Variants in ADCY9 observed in about 807,000 individuals in gnomAD.
ADCY9 encodes adenylate cyclase 9.
Under a neutral mutation model 101.5 loss-of-function variants are expected in ADCY9, and 50 were observed. That is an observed-to-expected ratio of 0.49 (90% CI 0.39 to 0.62). The LOEUF is 0.62. Ranked by LOEUF, ADCY9 falls within the 20% of genes least tolerant of loss-of-function variation. The pLI is 0.00. For missense variants in ADCY9, 1,662 were observed against 1,800.4 expected (o/e 0.92, Z 1.39); for synonymous variants, 905 against 769.3 (o/e 1.18, Z -2.92).
At chr16:4,006,768 G>A (rs966575518) in intron 3 of ADCY9, among the ~76,000 whole-genome samples, 3 of 152,160 alleles carry the variant, frequency 2.0e-5, no homozygotes, top group Admixed American at 1.3e-4. Flanking sequence ...ACCCAAGGTC[G>A]ACCGCGCCAA....
chr16:3,962,037 A>T (rs1311521151), downstream of ADCY9, among the ~76,000 whole-genome samples: 1 of 106,484 alleles, frequency 9.4e-6, no homozygotes, highest in Non-Finnish European at 1.9e-5. Flanking sequence ...ATAAATAAAA[A>T]TTAAAAAAAA....
In ADCY9 at chr16:3,983,239, A is replaced by T; in HGVS notation, c.2512T>A (p.Ser838Thr). 1.3e-6 allele frequency: 2 copies of T among 1,550,054 alleles called. No individual in the cohort carries two copies. Among genetic ancestry groups the T allele is most frequent in the Non-Finnish European group, 1.7e-6 (2 of 1,146,636 alleles). ...LLLEVLSLAVSIRMVFFLEDV... is the reference protein window; with the variant it reads ...LLLEVLSLAVTIRMVFFLEDV... ...AGTCCACGCGGCGCTTACCTGATGG[A>T]CACCGCGAGGGACAGCACCTCCAGC... Residue 838 changes from serine to threonine, a missense_variant, in exon 7 of 11, where the codon TCC (serine) becomes ACC (threonine). Transcript: ENST00000294016.
intron 3 of ADCY9, among the ~76,000 whole-genome samples, chr16:4,000,891 T>C (rs1351117480): frequency 6.6e-6 from 1 of 151,004 alleles, no homozygotes; most frequent in Admixed American, 6.6e-5. Context: ...TCTGGGGAAA[T>C]TTCATGGAAA....
chr16:4,071,839 G>C (rs1382325847), intron 2 of ADCY9, among the ~76,000 whole-genome samples: 4 of 152,038 alleles, frequency 2.6e-5, no homozygotes, highest in African/African-American at 9.7e-5. Flanking sequence ...TTGAGACAGA[G>C]TCTCACTGTC....
At chr16:3,956,532 C>G (rs2055907656) in intron 5 of ADCY9, among the ~76,000 whole-genome samples, 1 of 126,194 alleles carries the variant, frequency 7.9e-6, no homozygotes, top group Non-Finnish European at 1.6e-5. Flanking sequence ...CCTCTGTCTC[C>G]CAGGCTGGAG....
intron 2 of ADCY9, among the ~76,000 whole-genome samples, chr16:4,061,884 T>C (rs2056775676): frequency 6.6e-6 from 1 of 152,146 alleles, no homozygotes; most frequent in African/African-American, 2.4e-5. Context: ...TAACAATAAC[T>C]ACAGACTTTT....
chr16:3,977,462 A>C lies in ADCY9; in HGVS notation c.2828+20T>G. 2 of 1,546,474 alleles carry C rather than the reference A, an allele frequency of 1.3e-6. No homozygotes were observed. The highest frequency in any genetic ancestry group is 1.7e-6 in the Non-Finnish European group (2 of 1,143,552). ...GGTGGCCACGCACCCTGGTGCCCGCAAGCAGTGCTGGCCGCGTACCTGTCT... is the reference window on the plus strand; with the variant it reads ...GGTGGCCACGCACCCTGGTGCCCGCCAGCAGTGCTGGCCGCGTACCTGTCT... On this transcript the variant is annotated intron_variant, in intron 9 of 10. Coordinates refer to ENST00000294016, the MANE Select transcript of ADCY9 (RefSeq NM_001116.4).
chr16:3,996,693 T>C (rs2056289382), intron 3 of ADCY9, among the ~76,000 whole-genome samples: 1 of 152,260 alleles, frequency 6.6e-6, no homozygotes, highest in Non-Finnish European at 1.5e-5. Context: ...CTGTTAACTA[T>C]GCTCTCTGGT....
intron 2 of ADCY9, among the ~76,000 whole-genome samples, chr16:4,060,913 A>G (rs2056770200): frequency 6.6e-6 from 1 of 152,216 alleles, no homozygotes; most frequent in African/African-American, 2.4e-5. Flanking sequence ...CAAAGATTTC[A>G]AAGTTATAAG....
intron 2 of ADCY9, among the ~76,000 whole-genome samples, chr16:4,069,473 G>C (rs908673616): frequency 5.3e-5 from 8 of 151,844 alleles, no homozygotes; most frequent in Admixed American, 5.2e-4. Flanking sequence ...TGCCGAGTCT[G>C]ACAGAGTGGG....
At chr16:4,057,724 C>T (rs1241106430) in intron 2 of ADCY9, among the ~76,000 whole-genome samples, 4 of 152,162 alleles carry the variant, frequency 2.6e-5, no homozygotes, top group Admixed American at 2.0e-4. Context: ...ATAAGGATGA[C>T]GACACCAGGA....
chr16:4,078,937 C>T (rs1377647795), intron 2 of ADCY9, among the ~76,000 whole-genome samples: 1 of 152,136 alleles, frequency 6.6e-6, no homozygotes. Context: ...TACTAATTAT[C>T]GTGGGCAAAG....
chr16:4,003,764 G>A (rs2056348168), intron 3 of ADCY9, among the ~76,000 whole-genome samples: 1 of 152,148 alleles, frequency 6.6e-6, no homozygotes, highest in East Asian at 1.9e-4. Context: ...CAAGGCTTGA[G>A]AAGGGTCTTG....
At position 4,096,893 on chromosome 16, in the gene ADCY9, GA is replaced by G. The variant is rs112104902; in HGVS notation, c.1693+16856del. Among the ~76,000 whole-genome samples, 775 of 146,670 alleles carry G rather than the reference GA, an allele frequency of 5.3e-3. 2 individuals are homozygous for G. The highest frequency in any genetic ancestry group is 7.9e-3 in the Non-Finnish European group (527 of 66,398). On this transcript the variant is annotated intron_variant, in intron 2 of 10. Coordinates refer to ENST00000294016, the MANE Select transcript of ADCY9 (RefSeq NM_001116.4). ...TGCTTTTTCCCCGCTTTGGAAGGGG[GA>G]AAAAAAAAAGAACAGATTTTAATAG... is the stretch of plus-strand genomic sequence containing the variant.
At chr16:4,038,348 C>G (rs1350483533) in intron 2 of ADCY9, among the ~76,000 whole-genome samples, 2 of 151,494 alleles carry the variant, frequency 1.3e-5, no homozygotes, top group African/African-American at 4.9e-5. Context: ...TCCACCTTCT[C>G]AAATGGGATG....
intron 2 of ADCY9, among the ~76,000 whole-genome samples, chr16:4,106,359 CCCACAT>C (rs574471214): frequency 1.7e-3 from 258 of 152,278 alleles, no homozygotes; most frequent in Non-Finnish European, 2.3e-3. Flanking sequence ...GGATGGCGGC[CCCACAT>C]CCACCCTCTG....
chr16:4,042,759 T>G (rs2056635837), intron 2 of ADCY9, among the ~76,000 whole-genome samples: 1 of 152,242 alleles, frequency 6.6e-6, no homozygotes, highest in Non-Finnish European at 1.5e-5. Flanking sequence ...GCGAACTCTG[T>G]GTTCCAAGAG....
chr16:4,099,232 C>T (rs1357576183), intron 2 of ADCY9, among the ~76,000 whole-genome samples: 1 of 152,090 alleles, frequency 6.6e-6, no homozygotes, highest in African/African-American at 2.4e-5. Context: ...CACGCCCGGC[C>T]TTTTTATTGT....
At chr16:4,051,432 G>A (rs977438891) in intron 2 of ADCY9, among the ~76,000 whole-genome samples, 3 of 151,968 alleles carry the variant, frequency 2.0e-5, no homozygotes, top group African/African-American at 7.3e-5. Flanking sequence ...ACTGAGGCGG[G>A]AGAATGGCGT....
Sources: gnomAD v4.1 joint callset for allele counts (sites outside exome capture counted in the v4.1 genomes callset) on GRCh38, gnomAD v4.1.1 for gene constraint, MANE v1.5 for transcripts, NCBI Gene and HGNC (gene_info 2026-07-23, HGNC 2026-07-21) for gene names.